The following PDE11A variants were observed in gnomAD, a reference collection of about 807,000 sequenced individuals.
PDE11A encodes phosphodiesterase 11A.
A neutral mutation model predicts 100.5 loss-of-function variants in PDE11A; 100 were observed. The ratio of observed to expected loss-of-function variants is 1.00; its 90% CI spans 0.85 to 1.18. The LOEUF is 1.18. PDE11A is among the 50% of genes most tolerant of loss of function. PDE11A has a pLI of 0.00. For missense variants in PDE11A, 1,141 were observed against 1,152.6 expected, an observed-to-expected ratio of 0.99 and a Z score of 0.15; for synonymous variants, 381 against 420.8, an observed-to-expected ratio of 0.91 and a Z score of 1.16.
chr2:177,875,761 A>C (rs1558986075), intron 5 of PDE11A, 98 bp downstream of exon 5: 3 of 797,976 alleles, frequency 3.8e-6, no homozygotes, highest in Non-Finnish European at 6.7e-6. Flanking sequence ...TGTGCTTGCT[A>C]ATATAAAGAA....
chr2:178,072,695 C>T lies in PDE11A; in HGVS notation c.-258G>A. 2 of 1,403,514 alleles carry T rather than the reference C, an allele frequency of 1.4e-6. No individual in the cohort carries two copies. Among genetic ancestry groups the T allele is most frequent in the Non-Finnish European group, 1.9e-6 (2 of 1,080,078 alleles). The allele number at this position is 1,403,514 out of a possible 1,614,324, so 86.9% of individuals were successfully genotyped here. A position where few individuals can be genotyped will look rare whatever the true frequency, so the allele number is the denominator to read the frequency against. ...GCCCAGCACTGAGCTGCCGCCGCTGCCCCGGCTCCTGTTCCGGAAACCCGA... is the reference window on the plus strand; with the variant it reads ...GCCCAGCACTGAGCTGCCGCCGCTGTCCCGGCTCCTGTTCCGGAAACCCGA... On this transcript the variant is annotated 5_prime_UTR_variant, in exon 1 of 20. Coordinates refer to ENST00000286063, the MANE Select transcript of PDE11A (RefSeq NM_016953.4).
At chr2:178,016,827 G>C (rs1202139826) in intron 1 of PDE11A, among the ~76,000 whole-genome samples, 1 of 152,194 alleles carries the variant, frequency 6.6e-6, no homozygotes, top group African/African-American at 2.4e-5. Flanking sequence ...GGCTAGAGTA[G>C]AGGGAGACAA....
chr2:177,640,698 A>C (rs2080128751), intron 19 of PDE11A, among the ~76,000 whole-genome samples: 1 of 152,240 alleles, frequency 6.6e-6, no homozygotes, highest in Non-Finnish European at 1.5e-5. Flanking sequence ...AGTTGGCTGG[A>C]AATCACTTTG....
chr2:177,658,802 G>A (rs2080430708), intron 19 of PDE11A, among the ~76,000 whole-genome samples: 1 of 151,050 alleles, frequency 6.6e-6, no homozygotes, highest in African/African-American at 2.4e-5. Flanking sequence ...AGTATCCAGA[G>A]AAAGTGTCCT....
intron 1 of PDE11A, among the ~76,000 whole-genome samples, chr2:178,062,389 G>A (rs1051506085): frequency 1.3e-5 from 2 of 151,794 alleles, no homozygotes; most frequent in South Asian, 2.1e-4. Context: ...GTAACAGAGT[G>A]TGCACCCTCT....
At chr2:177,966,829 T>C (rs2085703960) in intron 2 of PDE11A, among the ~76,000 whole-genome samples, 1 of 152,176 alleles carries the variant, frequency 6.6e-6, no homozygotes, top group African/African-American at 2.4e-5. Flanking sequence ...TTTTCTTGTG[T>C]CTCTGTAAGG....
intron 9 of PDE11A, among the ~76,000 whole-genome samples, chr2:177,788,088 C>G (rs1393800053): frequency 6.6e-6 from 1 of 151,956 alleles, no homozygotes; most frequent in East Asian, 1.9e-4. Flanking sequence ...AATATACATT[C>G]TTTTCAGCAC....
chr2:177,756,630 T>G (rs1055915307), intron 10 of PDE11A, among the ~76,000 whole-genome samples: 1 of 151,980 alleles, frequency 6.6e-6, no homozygotes, highest in Non-Finnish European at 1.5e-5. Context: ...AGGCCAGAGG[T>G]GAATTATAGT....
At chr2:177,775,012 A>C (rs1279624201) in intron 9 of PDE11A, among the ~76,000 whole-genome samples, 1 of 152,192 alleles carries the variant, frequency 6.6e-6, no homozygotes, top group African/African-American at 2.4e-5. Context: ...AGAGTGATGC[A>C]ATGTAAGAAA....
rs1015816640 is a variant in PDE11A at position 177,791,932 on chromosome 2, T to C, written c.1738-22559A>G. 5.9e-5 allele frequency among the ~76,000 whole-genome samples: 9 copies of C among 152,194 alleles called. No individual in the cohort carries two copies. In the East Asian group the frequency reaches 1.7e-3, roughly 29 times the overall value. ...AAATTGCCTATTTCTTTGGAAAACG[T>C]TGCATGTGATAATGAGTCTTCTGAT... On this transcript the variant is annotated intron_variant, in intron 9 of 19. Coordinates refer to ENST00000286063, the MANE Select transcript of PDE11A (RefSeq NM_016953.4).
intron 10 of PDE11A, among the ~76,000 whole-genome samples, chr2:177,762,783 A>G (rs2082187067): frequency 6.6e-6 from 1 of 152,164 alleles, no homozygotes. Context: ...TTGTTTTCAA[A>G]TAGAAAGAAG....
At chr2:177,701,050 G>A in intron 14 of PDE11A, 71 bp downstream of exon 14, 2 of 872,036 alleles carry the variant, frequency 2.3e-6, no homozygotes, top group Non-Finnish European at 3.9e-6. Flanking sequence ...GCACCACAAA[G>A]GAAGAGAGGG....
intron 2 of PDE11A, among the ~76,000 whole-genome samples, chr2:178,086,398 A>G (rs1293034875): frequency 6.6e-6 from 1 of 152,252 alleles, no homozygotes; most frequent in Admixed American, 6.5e-5. Context: ...ATCAGGTGCC[A>G]TCATTAGAGA....
Position 177,669,564 on chromosome 2 carries a change from C to A in PDE11A, c.2491G>T (p.Ala831Ser), listed in dbSNP as rs1473852993. 1 of 1,387,360 alleles carries A rather than the reference C, an allele frequency of 7.2e-7. No individual in the cohort carries two copies. The highest frequency in any genetic ancestry group is 1.7e-5 in the Admixed American group (1 of 59,768). The allele number at this position is 1,387,360 out of a possible 1,614,324, so 85.9% of individuals were successfully genotyped here. A position where few individuals can be genotyped will look rare whatever the true frequency, so the allele number is the denominator to read the frequency against. Residue 831 changes from alanine to serine, a missense_variant, in exon 18 of 20, where the codon GCA becomes TCA. Coordinates refer to ENST00000286063, the MANE Select transcript of PDE11A (RefSeq NM_016953.4). ...AAGAACTCACTGGTTACAAGTTCTG[C>A]CACCTGAAACATATAAATATTTTAA... ...TKPWEISRQV[A>S]ELVTSEFFEQ...
At chr2:177,845,352 G>A (rs1476349452) in intron 5 of PDE11A, among the ~76,000 whole-genome samples, 7 of 150,568 alleles carry the variant, frequency 4.6e-5, no homozygotes, top group African/African-American at 1.5e-4. Context: ...CCTCCCAGAT[G>A]GGGTCTCGGC....
Position 177,844,607 on chromosome 2 carries a change from A to G in PDE11A, c.1368-4224T>C, listed in dbSNP as rs1048915322. The stretch of plus-strand genomic sequence containing the variant: ...ACAGAGGGGGATTTGGCTGGGTCAT[A>G]GGACAATAGTGGAGGGAAGGTCAGC... On this transcript the variant is annotated intron_variant, in intron 5 of 19. Coordinates refer to ENST00000286063, the MANE Select transcript of PDE11A (RefSeq NM_016953.4). Among the ~76,000 whole-genome samples the G allele has an allele frequency of 7.3e-5, 11 of 151,720 alleles. 2 individuals are homozygous for G. Among genetic ancestry groups the G allele is most frequent in the South Asian group, 4.2e-4 (2 of 4,800 alleles).
intron 2 of PDE11A, among the ~76,000 whole-genome samples, chr2:177,915,700 T>C (rs1225096846): frequency 1.3e-5 from 2 of 152,260 alleles, no homozygotes; most frequent in Non-Finnish European, 2.9e-5. Context: ...TTGACTCATT[T>C]GGATAAATAT....
chr2:177,949,508 G>A (rs2085481768), intron 2 of PDE11A, among the ~76,000 whole-genome samples: 1 of 152,110 alleles, frequency 6.6e-6, no homozygotes, highest in Non-Finnish European at 1.5e-5. Context: ...CAGACCTGTT[G>A]AGCCAGGGGG....
intron 15 of PDE11A, among the ~76,000 whole-genome samples, chr2:177,695,300 A>G (rs1200416942): frequency 6.6e-6 from 1 of 152,196 alleles, no homozygotes; most frequent in Non-Finnish European, 1.5e-5. Flanking sequence ...GTCACCTTGA[A>G]TATTTATCAT....
Sources: allele counts gnomAD v4.1 joint callset (sites outside exome capture counted in the v4.1 genomes callset), GRCh38; gene constraint gnomAD v4.1.1; transcripts MANE v1.5; gene names NCBI Gene and HGNC (gene_info 2026-07-23, HGNC 2026-07-21).